KLF12: variants seen among roughly 807,000 people sequenced by gnomAD.
The protein encoded by KLF12 is Krueppel-like factor 12.
In KLF12, 9 loss-of-function variants were observed where a neutral mutation model predicts 37.8. The ratio of observed to expected loss-of-function variants is 0.24; its 90% CI spans 0.14 to 0.42. The LOEUF is 0.42. Ranked by LOEUF, KLF12 falls within the 10% of genes least tolerant of loss-of-function variation. The pLI is 1.00. For synonymous variants in KLF12, 208 were observed against 202.1 expected, an observed-to-expected ratio of 1.03 and a Z score of -0.25; for missense variants, 411 against 516.0, an observed-to-expected ratio of 0.80 and a Z score of 1.97.
chr13:74,305,897 C>T, the KLF12 span, among the ~76,000 whole-genome samples: 1 of 152,116 alleles, frequency 6.6e-6, no homozygotes, highest in East Asian at 1.9e-4. Context: ...AAAAATTGTT[C>T]AGAGATAGTA....
rs71115629 is a variant in KLF12, at chr13:73,979,354, A to AACACACACACACAC, written c.33+15622_33+15635dup. 8.3e-4 allele frequency among the ~76,000 whole-genome samples: 116 copies of AACACACACACACAC among 139,700 alleles called. 1 individual carries two copies. The highest frequency in any genetic ancestry group is 2.4e-3 in the South Asian group (10 of 4,142). The allele number at this position is 139,700 out of a possible 152,430, so 91.6% of individuals were successfully genotyped here. Reference sequence around the variant, plus strand: ...TTCTTTTAAAAACAGTCTGCTTTTAAACACACACACACACACACACACACA... The same window carrying AACACACACACACAC: ...TTCTTTTAAAAACAGTCTGCTTTTAAACACACACACACACACACACACACACACACACACACACA... On this transcript the variant is annotated intron_variant, in intron 2 of 7. Coordinates refer to ENST00000377669, the MANE Select transcript of KLF12 (RefSeq NM_007249.5).
chr13:73,917,296 C>T (rs1888893742), intron 3 of KLF12, among the ~76,000 whole-genome samples: 1 of 152,178 alleles, frequency 6.6e-6, no homozygotes, highest in Non-Finnish European at 1.5e-5. Context: ...AACACCTTTC[C>T]TGGTACTACC....
the KLF12 span, among the ~76,000 whole-genome samples, chr13:74,174,468 C>T: frequency 2.0e-5 from 3 of 151,694 alleles, no homozygotes; most frequent in Admixed American, 6.6e-5. Context: ...TCTCCATCTC[C>T]GACCTCATGA....
At chr13:73,819,837 G>T (rs908601992) in intron 4 of KLF12, among the ~76,000 whole-genome samples, 2 of 152,138 alleles carry the variant, frequency 1.3e-5, no homozygotes, top group Admixed American at 1.3e-4. Context: ...GCAGGTGAGG[G>T]TTTTTGGGTT....
chr13:73,823,178 G>A (rs1199686864), intron 4 of KLF12, among the ~76,000 whole-genome samples: 2 of 151,800 alleles, frequency 1.3e-5, no homozygotes, highest in East Asian at 3.8e-4. Context: ...TGAGTAAAAT[G>A]GAATCTTTTA....
chr13:73,792,719 A>G (rs1369482657), intron 5 of KLF12, among the ~76,000 whole-genome samples: 1 of 152,236 alleles, frequency 6.6e-6, no homozygotes, highest in Non-Finnish European at 1.5e-5. Context: ...TGAACAATGT[A>G]CGTGTCATGC....
At position 74,025,494 on chromosome 13, in the gene KLF12, A is replaced by C. The variant is rs1293207418; in HGVS notation, c.-31-30441T>G. On this transcript the variant is annotated intron_variant, in intron 1 of 7. Coordinates refer to ENST00000377669, the MANE Select transcript of KLF12 (RefSeq NM_007249.5). The stretch of plus-strand genomic sequence containing the variant: ...GCTTCAAGGTCATTTTAAGGTTCTT[A>C]GTTTCGCTACAAGTGGGTTGTGAAC... Among the ~76,000 whole-genome samples, 36 of 151,952 alleles carry C rather than the reference A, an allele frequency of 2.4e-4. 1 individual carries two copies. Among genetic ancestry groups the C allele is most frequent in the Admixed American group, 2.4e-3 (36 of 15,258 alleles).
At position 74,019,994 on chromosome 13, in the gene KLF12, T is replaced by C. The variant is rs539241878; in HGVS notation, c.-31-24941A>G. Among the ~76,000 whole-genome samples, 4 of 152,364 alleles carry C rather than the reference T, an allele frequency of 2.6e-5. No homozygotes were observed. In the South Asian group the frequency reaches 8.3e-4, roughly 32 times the overall value. ...ACTGAAATCCCATGGCCTGTGGCCA[T>C]GTCTTAAAGGTGCTTGACAAGCTGG... On this transcript the variant is annotated intron_variant, in intron 1 of 7. Transcript: ENST00000377669.
chr13:73,953,970 C>CTTTTTTTTTTTTTTTTTTTTTT (rs67945624), intron 2 of KLF12, among the ~76,000 whole-genome samples: 1 of 88,534 alleles, frequency 1.1e-5, no homozygotes, highest in Non-Finnish European at 2.2e-5. Flanking sequence ...TTTTTTCTTT[C>CTTTTTTTTTTTTTTTTTTTTTT]TTTTTTTTTT....
chr13:73,861,303 G>A (rs535335555), intron 3 of KLF12, among the ~76,000 whole-genome samples: 1 of 152,280 alleles, frequency 6.6e-6, no homozygotes, highest in Admixed American at 6.5e-5. Flanking sequence ...TCCTTTCAGT[G>A]TGGGGATTAC....
the KLF12 span, among the ~76,000 whole-genome samples, chr13:74,215,829 A>T: frequency 3.5e-4 from 53 of 152,336 alleles, no homozygotes; most frequent in Non-Finnish European, 6.6e-4. Flanking sequence ...GAGGTGTCCC[A>T]CTGTCCTGAG....
intron 1 of KLF12, among the ~76,000 whole-genome samples, chr13:74,084,804 G>A (rs897959101): frequency 2.1e-5 from 3 of 143,764 alleles, no homozygotes; most frequent in Admixed American, 1.4e-4. Flanking sequence ...AACACTCTGA[G>A]CCAGCAACAC....
intron 6 of KLF12, among the ~76,000 whole-genome samples, chr13:73,752,446 C>T (rs1878830076): frequency 2.8e-5 from 2 of 71,670 alleles, no homozygotes; most frequent in Non-Finnish European, 5.7e-5. Flanking sequence ...TGGTAACTAT[C>T]ATTTATATGC....
the KLF12 span, among the ~76,000 whole-genome samples, chr13:74,166,311 C>T: frequency 1.3e-5 from 2 of 151,984 alleles, no homozygotes; most frequent in African/African-American, 2.4e-5. Flanking sequence ...AGGGAGGTCT[C>T]AAACTCCTGG....
At chr13:74,077,898 G>C (rs768684028) in intron 1 of KLF12, among the ~76,000 whole-genome samples, 6 of 152,150 alleles carry the variant, frequency 3.9e-5, no homozygotes, top group Non-Finnish European at 7.4e-5. Flanking sequence ...AGGGAGATGT[G>C]TTTGTCTTTT....
intron 1 of KLF12, among the ~76,000 whole-genome samples, chr13:74,112,914 T>C (rs1353699349): frequency 6.6e-6 from 1 of 152,096 alleles, no homozygotes; most frequent in African/African-American, 2.4e-5. Context: ...CAAGCAAAAG[T>C]TCCAGAAGAA....
chr13:73,988,954 G>A (rs1891895061), intron 2 of KLF12, among the ~76,000 whole-genome samples: 1 of 152,092 alleles, frequency 6.6e-6, no homozygotes, highest in Non-Finnish European at 1.5e-5. Flanking sequence ...CCATATCACA[G>A]ACATGGCAAC....
chr13:73,959,699 C>G (rs1485925540), intron 2 of KLF12, among the ~76,000 whole-genome samples: 1 of 151,868 alleles, frequency 6.6e-6, no homozygotes, highest in Non-Finnish European at 1.5e-5. Flanking sequence ...AAGTGATTCT[C>G]ATTATGGTTA....
intron 5 of KLF12, among the ~76,000 whole-genome samples, chr13:73,773,246 G>A (rs1880382644): frequency 6.6e-6 from 1 of 152,062 alleles, no homozygotes; most frequent in Non-Finnish European, 1.5e-5. Context: ...CAGGACCCCA[G>A]AGAACAGGAC....
Sources: gnomAD v4.1 joint callset for allele counts (sites outside exome capture counted in the v4.1 genomes callset) on GRCh38, gnomAD v4.1.1 for gene constraint, MANE v1.5 for transcripts, NCBI Gene and HGNC (gene_info 2026-07-23, HGNC 2026-07-21) for gene names.